SEPSECS: variants seen among roughly 807,000 people sequenced by gnomAD.
SEPSECS encodes Sep (O-phosphoserine) tRNA:Sec (selenocysteine) tRNA synthase.
SEPSECS carries 42 observed loss-of-function variants against 52.1 expected under a neutral mutation model. The observed-to-expected ratio is 0.81, with a 90% CI of 0.63 to 1.04. The LOEUF is 1.04. SEPSECS is among the 50% of genes least tolerant of loss of function. The pLI, the probability that SEPSECS is intolerant of heterozygous loss-of-function variation, is 0.00. For synonymous variants in SEPSECS, 216 were observed against 211.4 expected, an observed-to-expected ratio of 1.02 and a Z score of -0.19; for missense variants, 590 against 610.6, an observed-to-expected ratio of 0.97 and a Z score of 0.36.
chr4:25,158,904 C>T, intron 2 of SEPSECS, 49 bp downstream of exon 2: 1 of 1,557,766 alleles, frequency 6.4e-7, no homozygotes, highest in Non-Finnish European at 8.9e-7. Flanking sequence ...TTATTTTGAA[C>T]CAAAAATAAA....
chr4:25,133,135 G>T (rs1053228011), intron 8 of SEPSECS, among the ~76,000 whole-genome samples: 1 of 152,012 alleles, frequency 6.6e-6, no homozygotes, highest in African/African-American at 2.4e-5. Flanking sequence ...TAGCCTAAAA[G>T]AGTTCTCAGG....
intron 6 of SEPSECS, among the ~76,000 whole-genome samples, chr4:25,147,447 C>T (rs972895038): frequency 3.3e-5 from 5 of 152,220 alleles, no homozygotes; most frequent in South Asian, 2.1e-4. Flanking sequence ...TGTGAATAAA[C>T]AGTAGTAATA....
intron 8 of SEPSECS, among the ~76,000 whole-genome samples, chr4:25,142,048 G>T (rs1454522708): frequency 6.6e-6 from 1 of 152,196 alleles, no homozygotes; most frequent in Non-Finnish European, 1.5e-5. Context: ...AGGCCAAGGT[G>T]GGGGGATCAC....
chr4:25,144,891 T>G, intron 7 of SEPSECS, 26 bp from the exon 8 acceptor site: 1 of 1,596,136 alleles, frequency 6.3e-7, no homozygotes, highest in Non-Finnish European at 8.6e-7. Flanking sequence ...TAAGTTACAT[T>G]AAGACTGTGG....
In SEPSECS at chr4:25,124,073, T is replaced by C. The variant is rs1307083958; in HGVS notation, c.1364A>G (p.Asp455Gly). 6.2e-7 allele frequency: 1 copy of C among 1,613,752 alleles called. No homozygotes were observed. Among genetic ancestry groups the C allele is most frequent in the East Asian group, 2.2e-5 (1 of 44,882 alleles). ...TTTTCTTACTGCCTTTAAACACCTG[T>C]CAAGTCTCTTTATGAACAGGTCCAC... ...QDVDLFIKRLDRCLKAVRKER... is the reference protein window; with the variant it reads ...QDVDLFIKRLGRCLKAVRKER... Residue 455 changes from aspartate to glycine, a missense_variant, in exon 11 of 11, where the codon GAC (aspartate) becomes GGC (glycine). By Grantham distance (94) the Asp-to-Gly change is moderately conservative. Coordinates refer to ENST00000382103, the MANE Select transcript of SEPSECS (RefSeq NM_016955.4).
chr4:25,129,246 TTAAAG>T (rs1212783122), intron 8 of SEPSECS, among the ~76,000 whole-genome samples: 1 of 152,124 alleles, frequency 6.6e-6, no homozygotes, highest in African/African-American at 2.4e-5. Flanking sequence ...CTTTCGTTAT[TTAAAG>T]TATAGAGAAA....
Position 25,144,029 on chromosome 4 carries a change from G to A in SEPSECS, c.1026+745C>T, listed in dbSNP as rs114059341. ...TCTTTTCATAACCAATATAACCAATGAGTTCAGCGTTCAATAATGACAAGA... is the reference window on the plus strand; with the variant it reads ...TCTTTTCATAACCAATATAACCAATAAGTTCAGCGTTCAATAATGACAAGA... On this transcript the variant is annotated intron_variant, in intron 8 of 10. Transcript: ENST00000382103. Among the ~76,000 whole-genome samples the A allele has an allele frequency of 6.8e-3, 1,039 of 152,122 alleles. 4 individuals carry two copies. The highest frequency in any genetic ancestry group is 0.024 in the African/African-American group (986 of 41,492).
At position 25,160,293 on chromosome 4, in the gene SEPSECS, C is replaced by A. The variant is rs759782354; in HGVS notation, c.77G>T (p.Arg26Leu). 1.9e-6 allele frequency: 3 copies of A among 1,552,042 alleles called. No homozygotes were observed. Among genetic ancestry groups the A allele is most frequent in the East Asian group, 4.9e-5 (2 of 41,078 alleles). The change falls in exon 1 of 11, where the codon CGC (arginine) becomes CTC (leucine). Residue 26 changes from arginine to leucine, a missense_variant. Transcript: ENST00000382103. The stretch of plus-strand genomic sequence containing the variant: ...CAGCCGTATGAGGTGCTCATGCGAG[C>A]GGCGGGCCTCACAGCCCTGCCGCAC... ...AYVRQGCEAR[R>L]SHEHLIRLLL...
At chr4:25,160,508 CA>C (rs536637971), upstream of SEPSECS, 58 of 668,054 alleles carry the variant, frequency 8.7e-5, no homozygotes, top group African/African-American at 5.4e-4. Context: ...CAAAACAAAA[CA>C]AAAAAAACAC....
At chr4:25,156,761 C>G (rs1484645490) in intron 3 of SEPSECS, 95 bp downstream of exon 3, 8 of 467,568 alleles carry the variant, frequency 1.7e-5, no homozygotes, top group South Asian at 5.1e-5. Flanking sequence ...GCCACTCATA[C>G]TCTTTTTGGA....
At chr4:25,157,029 AC>A (rs1483131509) in intron 2 of SEPSECS, 55 bp from the exon 3 acceptor site, 1 of 942,048 alleles carries the variant, frequency 1.1e-6, no homozygotes, top group African/African-American at 1.6e-5. Flanking sequence ...TCCGAGTAAT[AC>A]AATGTACAAA....
intron 8 of SEPSECS, among the ~76,000 whole-genome samples, chr4:25,132,807 G>A (rs1253813109): frequency 6.6e-6 from 1 of 152,168 alleles, no homozygotes; most frequent in Non-Finnish European, 1.5e-5. Context: ...GCCTAGCACA[G>A]GGCCAGTGAT....
chr4:25,160,501 A>C, upstream of SEPSECS: 3 of 694,646 alleles, frequency 4.3e-6, no homozygotes, highest in Non-Finnish European at 4.8e-6. Context: ...AACAAAACAA[A>C]ACAAAACAAA....
Position 25,160,320 on chromosome 4 carries a change from T to G in SEPSECS, c.50A>C (p.Tyr17Ser), listed in dbSNP as rs1324206876. Residue 17 changes from tyrosine to serine, a missense_variant, in exon 1 of 11, where the codon TAC (tyrosine) becomes TCC (serine). By Grantham distance (144) the Tyr-to-Ser change is moderately radical (BLOSUM62 -2). Transcript: ENST00000382103. ...AAGERLVSPA[Y>S]VRQGCEARRS... ...GCGGGCCTCACAGCCCTGCCGCACG[T>G]AAGCCGGCGACACCAGCCGCTCTCC... 1 of 1,548,970 alleles carries G rather than the reference T, an allele frequency of 6.5e-7. No homozygotes were observed. The highest frequency in any genetic ancestry group is 8.7e-7 in the Non-Finnish European group (1 of 1,146,054).
At chr4:25,141,627 T>C (rs1010191771) in intron 8 of SEPSECS, among the ~76,000 whole-genome samples, 2 of 152,182 alleles carry the variant, frequency 1.3e-5, no homozygotes, top group African/African-American at 4.8e-5. Context: ...CTAACAGGTA[T>C]CCATCCAGCT....
chr4:25,156,748 A>G (rs1712679126), intron 3 of SEPSECS, 108 bp downstream of exon 3: 4 of 651,696 alleles, frequency 6.1e-6, no homozygotes, highest in Non-Finnish European at 1.1e-5. Context: ...AGTCTTTTCA[A>G]AAGCCACTCA....
In SEPSECS at chr4:25,156,069, T is replaced by C. The variant is rs376301014; in HGVS notation, c.515A>G (p.Gln172Arg). 5 of 1,614,064 alleles carry C rather than the reference T, an allele frequency of 3.1e-6. No homozygotes were observed. The highest frequency in any genetic ancestry group is 4.2e-6 in the Non-Finnish European group (5 of 1,179,938). ...GATCATGGATTTAAAGCAGGACTTC[T>C]GGTCTATTCGTGGCCATATAATATA... ...AKYIIWPRID[Q>R]KSCFKSMITA... Residue 172 changes from glutamine (Q) to arginine (R), a missense_variant, in exon 4 of 11, where the codon CAG becomes CGG. By Grantham distance (43) the Gln-to-Arg change is conservative. Transcript: ENST00000382103.
In SEPSECS at chr4:25,122,844, G is replaced by C. The variant is rs1453440577; in HGVS notation, c.*1087C>G. The C allele has an allele frequency of 6.6e-6, 1 of 152,066 alleles. No homozygotes were observed. Among genetic ancestry groups the C allele is most frequent in the Non-Finnish European group, 1.5e-5 (1 of 67,996 alleles). The allele number at this position is 152,066 out of a possible 1,614,324, so 9.4% of individuals were successfully genotyped here. A position where few individuals can be genotyped will look rare whatever the true frequency, so the allele number is the denominator to read the frequency against. ...TCAGACTCAGAAAAATGAGCACATG[G>C]GCAAGTAGAGGGGAATACACCTGTT... On this transcript the variant is annotated 3_prime_UTR_variant, in exon 11 of 11. Coordinates refer to ENST00000382103, the MANE Select transcript of SEPSECS (RefSeq NM_016955.4).
chr4:25,148,595 T>A (rs1483862318), intron 6 of SEPSECS, among the ~76,000 whole-genome samples: 1 of 152,186 alleles, frequency 6.6e-6, no homozygotes, highest in Non-Finnish European at 1.5e-5. Context: ...GTTTATATAT[T>A]TGCTTTTTTT....
Sources: allele counts gnomAD v4.1 joint callset (sites outside exome capture counted in the v4.1 genomes callset), GRCh38; gene constraint gnomAD v4.1.1; transcripts MANE v1.5; gene names NCBI Gene and HGNC (gene_info 2026-07-23, HGNC 2026-07-21).